Variants in SUSD1 observed in about 807,000 individuals in gnomAD.
SUSD1 encodes sushi domain-containing protein 1.
SUSD1 carries 65 observed loss-of-function variants against 86.9 expected under a neutral mutation model. The ratio of observed to expected loss-of-function variants is 0.75; its 90% CI spans 0.61 to 0.92. The LOEUF (loss-of-function observed/expected upper bound fraction) is 0.92. Among genes scored for constraint, SUSD1 ranks in the 40% least tolerant of loss-of-function variants. The pLI is 0.00. For synonymous variants in SUSD1, 346 were observed against 350.0 expected (o/e 0.99, Z 0.13); for missense variants, 850 against 929.7 (o/e 0.91, Z 1.11).
chr9:112,099,635 C>T (rs544389401), intron 9 of SUSD1, among the ~76,000 whole-genome samples: 32 of 152,296 alleles, frequency 2.1e-4, no homozygotes, highest in African/African-American at 5.1e-4. Flanking sequence ...AAAAAACTTT[C>T]GTGAAGGTCC....
At chr9:112,136,574 G>A (rs1564327125) in intron 5 of SUSD1, among the ~76,000 whole-genome samples, 3 of 152,098 alleles carry the variant, frequency 2.0e-5, no homozygotes. Context: ...CTATCACCTG[G>A]AACACAGATG....
At chr9:112,107,254 CA>C (rs71382407) in intron 8 of SUSD1, among the ~76,000 whole-genome samples, 12,319 of 66,102 alleles carry the variant, frequency 0.19, 449 homozygotes, top group Admixed American at 0.26. Context: ...GACCATATCT[CA>C]AAAAAAAAAA....
chr9:112,141,722 A>C (rs530026411), intron 5 of SUSD1, among the ~76,000 whole-genome samples: 6 of 139,092 alleles, frequency 4.3e-5, no homozygotes, highest in African/African-American at 1.7e-4. Flanking sequence ...ATTACATGTA[A>C]TGTATTATAT....
At chr9:112,044,322 A>T (rs1827866274) in intron 15 of SUSD1, among the ~76,000 whole-genome samples, 1 of 152,190 alleles carries the variant, frequency 6.6e-6, no homozygotes, top group Admixed American at 6.5e-5. Flanking sequence ...TTATCTGAAC[A>T]CCACCACTGC....
rs1198835562 is a variant in SUSD1 at position 112,129,563 on chromosome 9, T to G, written c.707-5127A>C. On this transcript the variant is annotated intron_variant, in intron 5 of 16. Coordinates refer to ENST00000374270, the MANE Select transcript of SUSD1 (RefSeq NM_022486.5). Reference sequence around the variant, plus strand: ...CCTGGGCTCATGAAATCTGCCCACTTCGCCCTCCCAAAGTGCTGGGATTAC... The same window carrying G: ...CCTGGGCTCATGAAATCTGCCCACTGCGCCCTCCCAAAGTGCTGGGATTAC... Among the ~76,000 whole-genome samples, 3 of 152,224 alleles carry G rather than the reference T, an allele frequency of 2.0e-5. No homozygotes were observed. The East Asian group carries it at 5.8e-4, about 29-fold the overall frequency.
chr9:112,149,453 A>G, intron 2 of SUSD1, 54 bp from the exon 3 acceptor site: 1 of 1,590,690 alleles, frequency 6.3e-7, no homozygotes, highest in Non-Finnish European at 8.6e-7. Context: ...ACCGACTTCA[A>G]CAGCCCAGAC....
chr9:112,116,900 GA>G (rs1008242432), intron 6 of SUSD1, among the ~76,000 whole-genome samples: 25 of 152,254 alleles, frequency 1.6e-4, no homozygotes, highest in African/African-American at 5.8e-4. Flanking sequence ...AGCACTTTGA[GA>G]GGCCGAGGCA....
intron 12 of SUSD1, among the ~76,000 whole-genome samples, chr9:112,067,532 A>ACT (rs1829041799): frequency 6.6e-6 from 1 of 152,180 alleles, no homozygotes; most frequent in Non-Finnish European, 1.5e-5. Flanking sequence ...ACTGGCAGGA[A>ACT]CTCTGGTGCT....
At chr9:112,140,224 C>T (rs1399245075) in intron 5 of SUSD1, among the ~76,000 whole-genome samples, 2 of 128,120 alleles carry the variant, frequency 1.6e-5, no homozygotes, top group East Asian at 3.9e-4. Flanking sequence ...TAGCCGGGCG[C>T]GGTGGCGGGC....
In SUSD1 at chr9:112,172,144, G is replaced by A. The variant is rs10981295; in HGVS notation, c.103+2989C>T. Among the ~76,000 whole-genome samples, 139 of 151,332 alleles carry A rather than the reference G, an allele frequency of 9.2e-4. 1 individual carries two copies. Among genetic ancestry groups the A allele is most frequent in the Middle Eastern group, 6.8e-3 (2 of 294 alleles). On this transcript the variant is annotated intron_variant, in intron 1 of 16. Coordinates refer to ENST00000374270, the MANE Select transcript of SUSD1 (RefSeq NM_022486.5). ...CCAGGAGGCAGAGGTTGCAGCAAGC[G>A]AGATCATGTCACCGCACTCCATCCA... is the stretch of plus-strand genomic sequence containing the variant.
chr9:112,156,902 A>C (rs1280337942), intron 2 of SUSD1, among the ~76,000 whole-genome samples: 1 of 152,220 alleles, frequency 6.6e-6, no homozygotes, highest in Non-Finnish European at 1.5e-5. Context: ...CTCTCTCTGA[A>C]TTGAGCTTGA....
intron 15 of SUSD1, among the ~76,000 whole-genome samples, chr9:112,048,293 A>G (rs1828042119): frequency 6.6e-6 from 1 of 152,238 alleles, no homozygotes; most frequent in South Asian, 2.1e-4. Flanking sequence ...GAGAAGGTAG[A>G]TGTATACCAA....
chr9:112,156,023 G>A (rs1210303009), intron 2 of SUSD1, among the ~76,000 whole-genome samples: 2 of 151,570 alleles, frequency 1.3e-5, no homozygotes, highest in African/African-American at 2.4e-5. Flanking sequence ...AGAAGGGAGA[G>A]AGAGAGAAGG....
chr9:112,142,648 G>T, intron 4 of SUSD1, 149 bp from the exon 5 acceptor site: 1 of 690,174 alleles, frequency 1.4e-6, no homozygotes, highest in Non-Finnish European at 2.3e-6. Context: ...TGACTTCTGG[G>T]AACATTTCCA....
chr9:112,101,771 C>A (rs1049664730), intron 9 of SUSD1, among the ~76,000 whole-genome samples: 1 of 152,014 alleles, frequency 6.6e-6, no homozygotes, highest in Non-Finnish European at 1.5e-5. Context: ...GCTTGAACCC[C>A]GGAGGCAGAG....
chr9:112,173,753 G>C, intron 1 of SUSD1: 1 of 359,862 alleles, frequency 2.8e-6, no homozygotes, highest in Non-Finnish European at 5.5e-6. Flanking sequence ...GGGTTTATGA[G>C]GGCAAGGCCT....
At chr9:112,127,233 G>A (rs981690482) in intron 5 of SUSD1, among the ~76,000 whole-genome samples, 4 of 152,226 alleles carry the variant, frequency 2.6e-5, no homozygotes, top group East Asian at 1.9e-4. Flanking sequence ...TTACCCGGGC[G>A]TGGTGGCACA....
chr9:112,110,919 T>C (rs1831068211), intron 8 of SUSD1, among the ~76,000 whole-genome samples: 1 of 152,168 alleles, frequency 6.6e-6, no homozygotes, highest in Non-Finnish European at 1.5e-5. Flanking sequence ...ACTTGATCTC[T>C]TTAAAGCTGC....
At chr9:112,068,994 A>G (rs1829123064) in intron 12 of SUSD1, among the ~76,000 whole-genome samples, 1 of 152,106 alleles carries the variant, frequency 6.6e-6, no homozygotes, top group Admixed American at 6.5e-5. Context: ...TTCAGGTTGA[A>G]GTGTATAAGG....
Sources: allele counts gnomAD v4.1 joint callset (sites outside exome capture counted in the v4.1 genomes callset), GRCh38; gene constraint gnomAD v4.1.1; transcripts MANE v1.5; gene names NCBI Gene and HGNC (gene_info 2026-07-23, HGNC 2026-07-21).